C16orf96: variants seen among roughly 807,000 people sequenced by gnomAD.
C16orf96 encodes uncharacterized protein C16orf96.
A neutral mutation model predicts 103.6 loss-of-function variants in C16orf96; 108 were observed. The ratio of observed to expected loss-of-function variants is 1.04; its 90% CI spans 0.89 to 1.22. The LOEUF is 1.22. Ranked by LOEUF, C16orf96 falls within the 50% of genes most tolerant of loss-of-function variation. The pLI, the probability that C16orf96 is intolerant of heterozygous loss-of-function variation, is 0.00. For missense variants in C16orf96, 1,586 were observed against 1,464.2 expected, an observed-to-expected ratio of 1.08 and a Z score of -1.36; for synonymous variants, 566 against 593.5, an observed-to-expected ratio of 0.95 and a Z score of 0.67.
At chr16:4,543,422 G>A in the C16orf96 span, among the ~76,000 whole-genome samples, 1 of 152,104 alleles carries the variant, frequency 6.6e-6, no homozygotes, top group East Asian at 1.9e-4. Context: ...GGTAGGTAGT[G>A]GGTGATGTAA....
Position 4,575,509 on chromosome 16 carries a change from G to T in C16orf96, c.1029G>T (p.Glu343Asp). ...TGCCAGGACTGGAGCTGGGGCTGGA[G>T]CTGGAGCCTGTGCCTGCCCTGGGGC... ...EPVPGLELGL[E>D]LEPVPALGPV... The change falls in exon 5 of 16, where the codon GAG (glutamate) becomes GAT (aspartate). Residue 343 changes from glutamate (E) to aspartate (D), a missense_variant. Transcript: ENST00000444310. 6.5e-7 allele frequency: 1 copy of T among 1,546,812 alleles called. No individual in the cohort carries two copies. The highest frequency in any genetic ancestry group is 1.2e-5 in the South Asian group (1 of 83,998).
At chr16:4,549,350 G>A in the C16orf96 span, among the ~76,000 whole-genome samples, 1 of 151,638 alleles carries the variant, frequency 6.6e-6, no homozygotes. Flanking sequence ...GCGGGTGCCT[G>A]TAGTCCCAGC....
the C16orf96 span, among the ~76,000 whole-genome samples, chr16:4,545,449 C>T: frequency 1.3e-5 from 2 of 152,214 alleles, no homozygotes. Context: ...GGCCTGGCCT[C>T]CCAAAGTGCT....
At chr16:4,544,983 G>A in the C16orf96 span, among the ~76,000 whole-genome samples, 1 of 152,138 alleles carries the variant, frequency 6.6e-6, no homozygotes, top group African/African-American at 2.4e-5. Flanking sequence ...AAAACACACA[G>A]CCGCATAAAA....
chr16:4,542,729 G>A, the C16orf96 span, among the ~76,000 whole-genome samples: 68 of 152,240 alleles, frequency 4.5e-4, no homozygotes, highest in African/African-American at 1.6e-3. Flanking sequence ...ACTGGGAGGC[G>A]GAGGTTGCAG....
At chr16:4,592,454 C>T (rs545885372) in intron 11 of C16orf96, 87 bp downstream of exon 11, 5 of 1,428,448 alleles carry the variant, frequency 3.5e-6, no homozygotes, top group Non-Finnish European at 4.8e-6. Context: ...GTGCACCGTT[C>T]CATGCACGCT....
intron 6 of C16orf96, among the ~76,000 whole-genome samples, chr16:4,579,473 G>C (rs2059555423): frequency 6.8e-6 from 1 of 147,784 alleles, no homozygotes; most frequent in African/African-American, 2.5e-5. Context: ...AGGATCACTT[G>C]AGCCTGGGAG....
chr16:4,588,003 G>C (rs549906705), intron 8 of C16orf96, among the ~76,000 whole-genome samples, 164 bp from the exon 9 acceptor site: 1 of 152,110 alleles, frequency 6.6e-6, no homozygotes, highest in Non-Finnish European at 1.5e-5. Flanking sequence ...CTTTGATCTC[G>C]AGATCGTGTT....
At chr16:4,582,430 G>A (rs1322139060) in intron 7 of C16orf96, among the ~76,000 whole-genome samples, 2 of 152,176 alleles carry the variant, frequency 1.3e-5, no homozygotes, top group African/African-American at 2.4e-5. Flanking sequence ...AACCCATGGC[G>A]TATGGCTGAC....
chr16:4,555,410 G>T (rs1272722324), upstream of C16orf96, among the ~76,000 whole-genome samples: 5 of 151,210 alleles, frequency 3.3e-5, no homozygotes, highest in Non-Finnish European at 7.4e-5. Context: ...GTCTCGCTCT[G>T]TCGCCCAGGC....
In C16orf96 at chr16:4,580,102, C is replaced by A; in HGVS notation, c.2329C>A (p.Gln777Lys). 1 of 1,538,886 alleles carries A rather than the reference C, an allele frequency of 6.5e-7. No homozygotes were observed. The highest frequency in any genetic ancestry group is 8.8e-7 in the Non-Finnish European group (1 of 1,140,856). ...ITLDKAVENL[Q>K]IRMDEFKTLQ... ...TTTGGACAAGGCGGTGGAGAACCTG[C>A]AGATTCGCATGGATGAGTTCAAGGT... Residue 777 changes from glutamine to lysine, a missense_variant, in exon 7 of 16, where the codon CAG (glutamine) becomes AAG (lysine). Coordinates refer to ENST00000444310, the MANE Select transcript of C16orf96 (RefSeq NM_001145011.2).
At chr16:4,549,949 C>T in the C16orf96 span, among the ~76,000 whole-genome samples, 101 of 152,218 alleles carry the variant, frequency 6.6e-4, no homozygotes, top group Non-Finnish European at 1.1e-3. Context: ...CCTGCAGAAC[C>T]GTGAGCCAAA....
intron 1 of C16orf96, among the ~76,000 whole-genome samples, chr16:4,570,676 C>G (rs1205867595): frequency 1.3e-5 from 2 of 152,024 alleles, no homozygotes; most frequent in Non-Finnish European, 2.9e-5. Flanking sequence ...CCGTGTTGGC[C>G]AGACTGTTAT....
chr16:4,595,695 T>TGTA (rs1049387057), intron 14 of C16orf96, among the ~76,000 whole-genome samples: 2 of 151,012 alleles, frequency 1.3e-5, no homozygotes, highest in African/African-American at 4.9e-5. Flanking sequence ...GGTTTTTTGT[T>TGTA]GTTGTTGTTG....
the C16orf96 span, among the ~76,000 whole-genome samples, chr16:4,539,037 G>C: frequency 2.0e-5 from 3 of 152,082 alleles, no homozygotes; most frequent in Admixed American, 1.3e-4. Flanking sequence ...CTTCCTCCAG[G>C]GCTGCATTTT....
At chr16:4,548,605 G>A in the C16orf96 span, among the ~76,000 whole-genome samples, 1 of 152,200 alleles carries the variant, frequency 6.6e-6, no homozygotes, top group Non-Finnish European at 1.5e-5. Context: ...GGGCGTGGTG[G>A]CTCATTCCTG....
intron 5 of C16orf96, among the ~76,000 whole-genome samples, chr16:4,578,689 C>T (rs764824242): frequency 7.2e-5 from 11 of 152,012 alleles, no homozygotes; most frequent in Non-Finnish European, 1.2e-4. Flanking sequence ...ACCCAGGAGG[C>T]GGAAGTTGTA....
intron 14 of C16orf96, among the ~76,000 whole-genome samples, chr16:4,596,062 G>T (rs1000256150): frequency 6.6e-6 from 1 of 152,230 alleles, no homozygotes; most frequent in African/African-American, 2.4e-5. Context: ...AGGGAAGGGG[G>T]ACTGTTTCAT....
rs1897112489 is a variant in C16orf96, at chr16:4,593,813, C to G, written c.2867+497C>G. 6.6e-6 allele frequency among the ~76,000 whole-genome samples: 1 copy of G among 152,114 alleles called. No homozygotes were observed. ...ACTGAGGCTCAGAGAACTGCAGTGACCTGCCCAAGGTCACTGCTAGCAAGT... is the reference window on the plus strand; with the variant it reads ...ACTGAGGCTCAGAGAACTGCAGTGAGCTGCCCAAGGTCACTGCTAGCAAGT... On this transcript the variant is annotated intron_variant, in intron 12 of 15. Coordinates refer to ENST00000444310, the MANE Select transcript of C16orf96 (RefSeq NM_001145011.2). This position sits in a 1 kb window ranked among gnomAD's most constrained non-coding sequence, Gnocchi z 4.2.
Sources: allele counts gnomAD v4.1 joint callset (sites outside exome capture counted in the v4.1 genomes callset), GRCh38; gene constraint gnomAD v4.1.1; non-coding constraint Gnocchi (gnomAD v3.1); transcripts MANE v1.5; gene names NCBI Gene and HGNC (gene_info 2026-07-23, HGNC 2026-07-21).